Variants in UBP1 observed in about 807,000 individuals in gnomAD.
The protein encoded by UBP1 is upstream-binding protein 1.
In UBP1, 22 loss-of-function variants were observed where a neutral mutation model predicts 76.1. The observed-to-expected ratio is 0.29, with a 90% CI of 0.21 to 0.41. UBP1 has a LOEUF of 0.41. UBP1 is among the 10% of genes least tolerant of loss of function. UBP1 has a pLI of 1.00. For synonymous variants in UBP1, 224 were observed against 237.1 expected (o/e 0.94, Z 0.51); for missense variants, 436 against 668.1 (o/e 0.65, Z 3.83).
intron 11 of UBP1, among the ~76,000 whole-genome samples, chr3:33,399,976 C>T (rs1338329657): frequency 6.6e-6 from 1 of 152,218 alleles, no homozygotes; most frequent in Non-Finnish European, 1.5e-5. Flanking sequence ...AAACTGCTGA[C>T]TGAACCAATG....
At chr3:33,397,224 C>T (rs2044035487) in intron 11 of UBP1, 89 bp from the exon 12 acceptor site, 3 of 945,176 alleles carry the variant, frequency 3.2e-6, no homozygotes, top group Non-Finnish European at 4.7e-6. Context: ...GTCCAATGTC[C>T]TTCAAAATAA....
At chr3:33,396,124 C>A in intron 13 of UBP1, 38 bp downstream of exon 13, 2 of 1,502,838 alleles carry the variant, frequency 1.3e-6, no homozygotes, top group Non-Finnish European at 1.8e-6. Context: ...GTCTGACAGT[C>A]TCAGAAGTGA....
chr3:33,413,561 A>C (rs2044649795), intron 3 of UBP1, among the ~76,000 whole-genome samples: 1 of 151,894 alleles, frequency 6.6e-6, no homozygotes, highest in South Asian at 2.1e-4. Flanking sequence ...AAAAAAAAAA[A>C]AAAACTTTGA....
At chr3:33,434,567 G>A (rs996594142) in intron 1 of UBP1, among the ~76,000 whole-genome samples, 2 of 151,656 alleles carry the variant, frequency 1.3e-5, no homozygotes, top group Non-Finnish European at 2.9e-5. Flanking sequence ...GATTACAAGC[G>A]TGAGCCACTG....
intron 2 of UBP1, among the ~76,000 whole-genome samples, chr3:33,417,666 T>C (rs1003200144): frequency 6.6e-6 from 1 of 152,186 alleles, no homozygotes; most frequent in Non-Finnish European, 1.5e-5. Flanking sequence ...AAATTAATAA[T>C]GTACTCCAAA....
At chr3:33,439,095 A>C (rs9881608) in intron 1 of UBP1, among the ~76,000 whole-genome samples, 3,174 of 152,340 alleles carry the variant, frequency 0.021, 111 homozygotes, top group African/African-American at 0.072. Context: ...TGGTACAGAC[A>C]GCAGAGACTA....
chr3:33,427,700 A>T (rs1221124820), intron 1 of UBP1, among the ~76,000 whole-genome samples: 1 of 152,196 alleles, frequency 6.6e-6, no homozygotes, highest in Non-Finnish European at 1.5e-5. Flanking sequence ...TGATTTTCAA[A>T]GATACTAACT....
At chr3:33,421,696 C>T (rs572023434) in intron 2 of UBP1, among the ~76,000 whole-genome samples, 108 of 152,214 alleles carry the variant, frequency 7.1e-4, no homozygotes, top group Non-Finnish European at 1.3e-3. Flanking sequence ...GAAGACTATA[C>T]CAAATTTGAT....
In UBP1 at chr3:33,409,349, T is replaced by TAAAAACAAAGTATACTATTTC. The variant is rs2044512501; in HGVS notation, c.709-24_709-4dup. ...TGTTTCCTGTCTGCACCTTTAGGCT[T>TAAAAACAAAGTATACTATTTC]AAAAACAAAGTATACTATTTCATCT... On this transcript the variant is annotated splice_polypyrimidine_tract_variant and splice_region_variant and intron_variant, in intron 6 of 15. Coordinates refer to ENST00000283629, the MANE Select transcript of UBP1 (RefSeq NM_014517.5). The TAAAAACAAAGTATACTATTTC allele has an allele frequency of 6.2e-7, 1 of 1,613,984 alleles. No homozygotes were observed. Among genetic ancestry groups the TAAAAACAAAGTATACTATTTC allele is most frequent in the African/African-American group, 1.3e-5 (1 of 74,904 alleles).
At chr3:33,420,944 A>AT (rs1193172073) in intron 2 of UBP1, among the ~76,000 whole-genome samples, 2 of 152,200 alleles carry the variant, frequency 1.3e-5, no homozygotes, top group African/African-American at 4.8e-5. Context: ...TCCAAGTAGA[A>AT]TTTGGTCTCC....
chr3:33,436,989 A>G (rs2045214497), intron 1 of UBP1, among the ~76,000 whole-genome samples: 1 of 152,186 alleles, frequency 6.6e-6, no homozygotes, highest in South Asian at 2.1e-4. Context: ...CAAGATTTTT[A>G]AAAACATTTA....
intron 6 of UBP1, 48 bp from the exon 7 acceptor site, chr3:33,409,394 G>A (rs2044513843): frequency 6.2e-7 from 1 of 1,613,838 alleles, no homozygotes; most frequent in Middle Eastern, 1.7e-4. Context: ...CAGACACACA[G>A]CTTTACAGGC....
chr3:33,439,470 TGG>T (rs1167304932), intron 1 of UBP1, among the ~76,000 whole-genome samples: 1 of 152,220 alleles, frequency 6.6e-6, no homozygotes, highest in Admixed American at 6.5e-5. Flanking sequence ...TCCTAATAGC[TGG>T]GCGTGTTTTA....
chr3:33,401,010 A>G lies in UBP1; in HGVS notation c.1038T>C (p.Ser346=), dbSNP rs1322300376. 1 of 1,592,724 alleles carries G rather than the reference A, an allele frequency of 6.3e-7. No homozygotes were observed. Among genetic ancestry groups the G allele is most frequent in the East Asian group, 2.3e-5 (1 of 43,328 alleles). Residue 346 remains serine, a synonymous_variant, in exon 10 of 16, where the codon TCT becomes TCC. Transcript: ENST00000283629. Reference sequence around the variant, plus strand: ...CATCTCCCTGATGATTTGGGGAAGAAGAATTGCTGGGGAGAAAGGAGAAAG... The same window carrying G: ...CATCTCCCTGATGATTTGGGGAAGAGGAATTGCTGGGGAGAAAGGAGAAAG... ...QSTCSVPDSN[S]SSPNHQGDGA...
intron 9 of UBP1, among the ~76,000 whole-genome samples, chr3:33,401,488 G>T (rs770622996): frequency 2.6e-5 from 4 of 152,162 alleles, no homozygotes; most frequent in Non-Finnish European, 5.9e-5. Flanking sequence ...CAAGATTGAT[G>T]AGGGTGAATT....
At chr3:33,434,289 CTTTTTTTT>C (rs371209882) in intron 1 of UBP1, among the ~76,000 whole-genome samples, 29 of 101,264 alleles carry the variant, frequency 2.9e-4, no homozygotes, top group Non-Finnish European at 4.1e-4. Flanking sequence ...TCAGCAAATC[CTTTTTTTT>C]TTTTTTTTTT....
At chr3:33,410,120 C>G (rs2044541651) in intron 5 of UBP1, among the ~76,000 whole-genome samples, 1 of 152,218 alleles carries the variant, frequency 6.6e-6, no homozygotes, top group Non-Finnish European at 1.5e-5. Context: ...AAACCCACTA[C>G]CCATCCTATT....
chr3:33,409,318 G>C lies in UBP1; in HGVS notation c.737C>G (p.Thr246Ser), dbSNP rs1434088349. The C allele has an allele frequency of 1.2e-6, 2 of 1,614,106 alleles. No individual in the cohort carries two copies. The highest frequency in any genetic ancestry group is 1.7e-6 in the Non-Finnish European group (2 of 1,180,002). Residue 246 changes from threonine (T) to serine (S), a missense_variant, in exon 7 of 16, where the codon ACT becomes AGT. Physicochemically the swap from Thr to Ser is moderately conservative, Grantham distance 58 (BLOSUM62 1). Coordinates refer to ENST00000283629, the MANE Select transcript of UBP1 (RefSeq NM_014517.5). The part of the protein sequence containing the change: ...KPKGADRKQK[T>S]DREKMEKRTA... ...TCTCTTCTCCATCTTCTCTCGGTCAGTTTTTTGTTTCCTGTCTGCACCTTT... is the reference window on the plus strand; with the variant it reads ...TCTCTTCTCCATCTTCTCTCGGTCACTTTTTTGTTTCCTGTCTGCACCTTT...
intron 1 of UBP1, among the ~76,000 whole-genome samples, chr3:33,436,995 A>G (rs1254505934): frequency 2.0e-5 from 3 of 152,322 alleles, no homozygotes; most frequent in Non-Finnish European, 2.9e-5. Flanking sequence ...TTTTAAAAAC[A>G]TTTATGACCT....
Sources: gnomAD v4.1 joint callset for allele counts (sites outside exome capture counted in the v4.1 genomes callset) on GRCh38, gnomAD v4.1.1 for gene constraint, MANE v1.5 for transcripts, NCBI Gene and HGNC (gene_info 2026-07-23, HGNC 2026-07-21) for gene names.